The following CLDN16 variants were observed in gnomAD, a reference collection of about 807,000 sequenced individuals.
CLDN16 encodes claudin-16.
In CLDN16, 13 loss-of-function variants were observed where a neutral mutation model predicts 24.6. The ratio of observed to expected loss-of-function variants is 0.53; its 90% confidence interval spans 0.34 to 0.84. The LOEUF is 0.84. Among genes scored for constraint, CLDN16 ranks in the 40% least tolerant of loss-of-function variants. CLDN16 has a pLI of 0.01. For synonymous variants in CLDN16, 116 were observed against 106.7 expected, an observed-to-expected ratio of 1.09 and a Z score of -0.54; for missense variants, 298 against 292.7, an observed-to-expected ratio of 1.02 and a Z score of -0.13.
At chr3:190,297,576 ATATATAATATATATC>A in the CLDN16 span, among the ~76,000 whole-genome samples, 302 of 138,998 alleles carry the variant, frequency 2.2e-3, no homozygotes, top group Non-Finnish European at 4.0e-3. Flanking sequence ...ATAGTATATA[ATATATAATATATATC>A]TATATAATAT....
intron 1 of CLDN16, among the ~76,000 whole-genome samples, chr3:190,354,977 G>C (rs971578328): frequency 6.6e-6 from 1 of 151,962 alleles, no homozygotes; most frequent in African/African-American, 2.4e-5. Flanking sequence ...TCACAGAAAA[G>C]GTCAAAGTAT....
the CLDN16 span, among the ~76,000 whole-genome samples, chr3:190,299,464 T>C: frequency 6.6e-6 from 1 of 152,186 alleles, no homozygotes; most frequent in Admixed American, 6.5e-5. Flanking sequence ...TGTAACTATT[T>C]TTTAAGGTTT....
At chr3:190,399,884 C>T (rs1375358510) in intron 1 of CLDN16, among the ~76,000 whole-genome samples, 3 of 152,082 alleles carry the variant, frequency 2.0e-5, no homozygotes, top group African/African-American at 7.2e-5. Flanking sequence ...CACCTTCTGT[C>T]GGATCAGCGG....
chr3:190,322,727 G>T (rs1716966778), intron 1 of CLDN16: 1 of 169,906 alleles, frequency 5.9e-6, no homozygotes, highest in Admixed American at 6.1e-5. Flanking sequence ...CACTGTACTT[G>T]TAAATCCTAA....
rs1717505257 is a variant in CLDN16 at position 190,344,346 on chromosome 3, C to T, written n.121+21685C>T. Among the ~76,000 whole-genome samples, 3 of 151,796 alleles carry T rather than the reference C, an allele frequency of 2.0e-5. No individual in the cohort carries two copies. The South Asian group carries it at 6.2e-4, about 31-fold the overall frequency. On this transcript the variant is annotated intron_variant and non_coding_transcript_variant, in intron 1 of 4. Transcript: ENST00000468220. ...AAGCTTTAATTATCTTAATCATATT[C>T]ACTACTGGTATTAAAAGTACTACAG...
the CLDN16 span, among the ~76,000 whole-genome samples, chr3:190,303,896 A>C: frequency 1.3e-5 from 1 of 79,572 alleles, no homozygotes; most frequent in Non-Finnish European, 2.3e-5. Flanking sequence ...ACAAAACACA[A>C]AAAAAAGCCC....
the CLDN16 span, among the ~76,000 whole-genome samples, chr3:190,314,490 G>T: frequency 1.3e-5 from 2 of 152,188 alleles, no homozygotes; most frequent in East Asian, 3.9e-4. Context: ...TGCCTCTGGG[G>T]CTCAAGCGAT....
chr3:190,301,324 G>C, the CLDN16 span, among the ~76,000 whole-genome samples: 1 of 151,980 alleles, frequency 6.6e-6, no homozygotes, highest in Non-Finnish European at 1.5e-5. Context: ...GTGAATCCCA[G>C]TCTCTGCCAA....
At chr3:190,382,953 C>T (rs1369248737) in intron 3 of CLDN16, among the ~76,000 whole-genome samples, 1 of 151,938 alleles carries the variant, frequency 6.6e-6, no homozygotes, top group Non-Finnish European at 1.5e-5. Context: ...GTGGGCTGCC[C>T]GTAATGAACA....
chr3:190,393,747 C>CTTTT (rs58465741), intron 1 of CLDN16, among the ~76,000 whole-genome samples: 1 of 115,230 alleles, frequency 8.7e-6, no homozygotes, highest in African/African-American at 3.4e-5. Flanking sequence ...TGTCATTTGC[C>CTTTT]TTTTTTTTTT....
chr3:190,318,283 A>G (rs939708713), upstream of CLDN16, among the ~76,000 whole-genome samples: 1 of 152,180 alleles, frequency 6.6e-6, no homozygotes, highest in African/African-American at 2.4e-5. Context: ...ATTTTCTCAG[A>G]ATTAAGTTGA....
intron 1 of CLDN16, among the ~76,000 whole-genome samples, chr3:190,353,286 A>G (rs1346409146): frequency 6.6e-6 from 1 of 152,062 alleles, no homozygotes; most frequent in African/African-American, 2.4e-5. Context: ...CTTTGCTTTC[A>G]GTTTCTTCTC....
At chr3:190,339,990 G>T (rs1717392288) in intron 1 of CLDN16, among the ~76,000 whole-genome samples, 1 of 152,042 alleles carries the variant, frequency 6.6e-6, no homozygotes, top group Non-Finnish European at 1.5e-5. Context: ...TTTATCCCTG[G>T]AATAAAAGGT....
chr3:190,346,279 G>T (rs1717548224), intron 1 of CLDN16, among the ~76,000 whole-genome samples: 1 of 152,118 alleles, frequency 6.6e-6, no homozygotes, highest in Non-Finnish European at 1.5e-5. Flanking sequence ...AAAAAAAACT[G>T]AAGGAAAAAG....
intron 1 of CLDN16, among the ~76,000 whole-genome samples, chr3:190,344,734 G>A (rs1433931916): frequency 6.6e-6 from 1 of 151,978 alleles, no homozygotes; most frequent in Non-Finnish European, 1.5e-5. Flanking sequence ...AGATAATCAT[G>A]TGATTAGGTT....
upstream of CLDN16, among the ~76,000 whole-genome samples, chr3:190,383,743 TTTG>T (rs1449417472): frequency 1.3e-5 from 2 of 152,196 alleles, no homozygotes; most frequent in African/African-American, 4.8e-5. Flanking sequence ...TTTTCTTTCC[TTTG>T]TTTTCAACTT....
chr3:190,363,554 G>GTATATATATA (rs1553805321), intron 1 of CLDN16, among the ~76,000 whole-genome samples: 86 of 81,274 alleles, frequency 1.1e-3, no homozygotes, highest in Admixed American at 1.9e-3. Context: ...GTGTGTGTGT[G>GTATATATATA]TGTATATATA....
intron 2 of CLDN16, among the ~76,000 whole-genome samples, chr3:190,374,313 G>GTGTGTGTGT (rs761347927): frequency 2.6e-4 from 37 of 141,062 alleles, no homozygotes; most frequent in South Asian, 9.1e-4. Flanking sequence ...GTGTGTGTGT[G>GTGTGTGTGT]GTTTTCCCTG....
At chr3:190,323,024 A>ACACACG (rs1241988978) in intron 1 of CLDN16, among the ~76,000 whole-genome samples, 2 of 150,538 alleles carry the variant, frequency 1.3e-5, no homozygotes, top group African/African-American at 4.9e-5. Context: ...ACACACACAC[A>ACACACG]CACAGACACA....
Sources: allele counts gnomAD v4.1 joint callset (sites outside exome capture counted in the v4.1 genomes callset), GRCh38; gene constraint gnomAD v4.1.1; transcripts MANE v1.5; gene names NCBI Gene and HGNC (gene_info 2026-07-23, HGNC 2026-07-21).